The following UBAC2 variants were observed in gnomAD, a reference collection of about 807,000 sequenced individuals.
UBAC2 encodes the protein UBA domain containing 2.
UBAC2 carries 26 observed loss-of-function variants against 44.0 expected under a neutral mutation model. That is an observed-to-expected ratio of 0.59 (90% CI 0.43 to 0.82). The LOEUF (loss-of-function observed/expected upper bound fraction) is 0.82, where lower values mean the gene tolerates loss of function less well. UBAC2 is among the 40% of genes least tolerant of loss of function. The pLI, the probability that UBAC2 is intolerant of heterozygous loss-of-function variation, is 0.00. For synonymous variants in UBAC2, 155 were observed against 154.3 expected (o/e 1.00, Z -0.04); for missense variants, 329 against 419.4 (o/e 0.78, Z 1.88).
At chr13:99,202,096 A>G (rs908510960) in intron 1 of UBAC2, among the ~76,000 whole-genome samples, 4 of 145,116 alleles carry the variant, frequency 2.8e-5, no homozygotes, top group South Asian at 2.2e-4. Flanking sequence ...AAAAAAAAAG[A>G]TCTGTTGGGA....
intron 4 of UBAC2, among the ~76,000 whole-genome samples, chr13:99,249,310 C>A (rs2043428815): frequency 6.6e-6 from 1 of 152,124 alleles, no homozygotes; most frequent in Admixed American, 6.5e-5. Context: ...TCTGTTCCTG[C>A]ATTAATTTAT....
chr13:99,220,317 A>G (rs1386219321), intron 1 of UBAC2, among the ~76,000 whole-genome samples: 1 of 152,212 alleles, frequency 6.6e-6, no homozygotes, highest in Non-Finnish European at 1.5e-5. Flanking sequence ...CACCTAGAGA[A>G]TGCTGATAAT....
At chr13:99,382,582 C>T (rs1189267341) in intron 8 of UBAC2, among the ~76,000 whole-genome samples, 6 of 152,136 alleles carry the variant, frequency 3.9e-5, no homozygotes, top group South Asian at 2.1e-4. Flanking sequence ...TGTTCTGAGA[C>T]GGTGTGCACA....
intron 6 of UBAC2, among the ~76,000 whole-genome samples, chr13:99,320,856 C>T (rs1233876135): frequency 6.6e-6 from 1 of 152,248 alleles, no homozygotes; most frequent in Non-Finnish European, 1.5e-5. Context: ...CACAGTCTGC[C>T]TATTCCAGAT....
At chr13:99,319,794 C>A (rs1024811872) in intron 6 of UBAC2, among the ~76,000 whole-genome samples, 6 of 152,166 alleles carry the variant, frequency 3.9e-5, no homozygotes, top group Non-Finnish European at 7.3e-5. Flanking sequence ...TGCCAGACTC[C>A]CCCAAGTCTA....
chr13:99,378,131 C>G (rs192066565), intron 8 of UBAC2, among the ~76,000 whole-genome samples: 2 of 152,332 alleles, frequency 1.3e-5, no homozygotes, highest in Admixed American at 1.3e-4. Context: ...AGCATCATCT[C>G]CATCATCACT....
chr13:99,264,275 G>A (rs1204607044), intron 4 of UBAC2, among the ~76,000 whole-genome samples: 1 of 152,230 alleles, frequency 6.6e-6, no homozygotes, highest in African/African-American at 2.4e-5. Context: ...TGAGGCTCCT[G>A]TTAGCAGGAA....
chr13:99,227,116 T>C (rs935741203), intron 1 of UBAC2, among the ~76,000 whole-genome samples: 5 of 151,580 alleles, frequency 3.3e-5, no homozygotes, highest in Non-Finnish European at 5.9e-5. Context: ...GAGAATCGCT[T>C]GAACCCAGGA....
Position 99,367,879 on chromosome 13 carries a change from G to A in UBAC2, c.900G>A (p.Ala300=), listed in dbSNP as rs758121913. 20 of 1,613,780 alleles carry A rather than the reference G, an allele frequency of 1.2e-5. No individual in the cohort carries two copies. Among genetic ancestry groups the A allele is most frequent in the Admixed American group, 8.3e-5 (5 of 59,990 alleles). The change falls in exon 8 of 9, where the codon GCG becomes GCA. Residue 300 remains alanine, a synonymous_variant. Transcript: ENST00000403766. ...GCGGTCGGCAGTCTGAGCCAGCAGC[G>A]CCCCCTCTAGAAGTTTCTGAGGAAC... ...YQGGRQSEPA[A]PPLEVSEEQV...
rs750126175 is a variant in UBAC2, at chr13:99,254,826, GTAGT to G, written c.389+10207_389+10210del. The G allele has an allele frequency of 4.3e-6, 6 of 1,395,914 alleles. No individual in the cohort carries two copies. The South Asian group carries it at 7.8e-5, about 18-fold the overall frequency. 86.5% of individuals were successfully genotyped at this position (1,395,914 alleles called of 1,614,324 possible). ...ATACAGAATATCCATTGACGCCAGA[GTAGT>G]TAGTGAAGTGAATTTTGATGGGATT... On this transcript the variant is annotated intron_variant, in intron 4 of 8. Transcript: ENST00000403766.
intron 6 of UBAC2, among the ~76,000 whole-genome samples, chr13:99,332,862 C>G (rs1466605518): frequency 6.6e-6 from 1 of 152,218 alleles, no homozygotes; most frequent in East Asian, 1.9e-4. Context: ...CCCTGACACA[C>G]AAATCCAACA....
intron 7 of UBAC2, chr13:99,351,348 TACCTGTTTTTGTACA>T (rs2045084815): frequency 5.7e-6 from 2 of 349,166 alleles, no homozygotes; most frequent in Non-Finnish European, 1.1e-5. Flanking sequence ...TGGGCCAAAC[TACCTGTTTTTGTACA>T]ATCTGAAGCT....
At chr13:99,229,157 G>T (rs140108355) in intron 1 of UBAC2, among the ~76,000 whole-genome samples, 1 of 152,204 alleles carries the variant, frequency 6.6e-6, no homozygotes, top group Admixed American at 6.5e-5. Context: ...TTGTGGTTGG[G>T]ATAGCAAAAC....
chr13:99,377,015 C>T (rs1388773397), intron 8 of UBAC2: 1 of 152,374 alleles, frequency 6.6e-6, no homozygotes, highest in Admixed American at 6.5e-5. Context: ...TGCCTCCACT[C>T]ACGCCAGAAC....
At chr13:99,380,666 A>C (rs542956027) in intron 8 of UBAC2, among the ~76,000 whole-genome samples, 1 of 152,314 alleles carries the variant, frequency 6.6e-6, no homozygotes, top group East Asian at 1.9e-4. Context: ...TTGTCATCGC[A>C]TACCCAAGCC....
Position 99,292,148 on chromosome 13 carries a change from T to C in UBAC2, c.390-21949T>C, listed in dbSNP as rs185654777. On this transcript the variant is annotated intron_variant, in intron 4 of 8. Coordinates refer to ENST00000403766, the MANE Select transcript of UBAC2 (RefSeq NM_001144072.2). ...ATTCCTTTTTTTTTTCTTTTCTTTT[T>C]TTTTTGAGACAGTCTCTCGCACTGT... Among the ~76,000 whole-genome samples the C allele has an allele frequency of 3.0e-4, 45 of 152,112 alleles. 1 individual carries two copies. The East Asian group carries it at 7.1e-3, about 24-fold the overall frequency.
intron 4 of UBAC2, among the ~76,000 whole-genome samples, chr13:99,305,586 A>G (rs1213916567): frequency 6.6e-6 from 1 of 152,238 alleles, no homozygotes; most frequent in African/African-American, 2.4e-5. Flanking sequence ...TATAGAATAA[A>G]TAAATGAATT....
At chr13:99,310,794 T>C (rs1156233913) in intron 4 of UBAC2, among the ~76,000 whole-genome samples, 1 of 152,244 alleles carries the variant, frequency 6.6e-6, no homozygotes, top group Non-Finnish European at 1.5e-5. Context: ...AAAAGAACTC[T>C]GCTTTAGGTT....
chr13:99,349,189 TGA>T (rs971360604), intron 7 of UBAC2, among the ~76,000 whole-genome samples: 3 of 152,156 alleles, frequency 2.0e-5, no homozygotes, highest in African/African-American at 7.2e-5. Flanking sequence ...CTGTGCAACC[TGA>T]GTCTCCACAG....
Sources: gnomAD v4.1 joint callset for allele counts (sites outside exome capture counted in the v4.1 genomes callset) on GRCh38, gnomAD v4.1.1 for gene constraint, MANE v1.5 for transcripts, NCBI Gene and HGNC (gene_info 2026-07-23, HGNC 2026-07-21) for gene names.